Variants in AXDND1 observed in about 807,000 individuals in gnomAD.
The protein encoded by AXDND1 is axonemal dynein light chain domain containing 1, also known as axonemal dynein light chain domain-containing protein 1.
AXDND1 carries 110 observed loss-of-function variants against 137.5 expected under a neutral mutation model. The observed-to-expected ratio is 0.80, with a 90% CI of 0.69 to 0.94. The LOEUF (loss-of-function observed/expected upper bound fraction) is 0.94, where lower values mean the gene tolerates loss of function less well. AXDND1 is among the 40% of genes least tolerant of loss of function. AXDND1 has a pLI of 0.00. For synonymous variants in AXDND1, 414 were observed against 399.7 expected (o/e 1.04, Z -0.43); for missense variants, 1,191 against 1,169.8 (o/e 1.02, Z -0.26).
Position 179,509,368 on chromosome 1 carries a change from T to C in AXDND1, c.2461T>C (p.Leu821=), listed in dbSNP as rs1668810827. The part of the protein sequence containing the change: ...SNIKGRKITL[L]TYEEIERLLE... ...TATCAAAGGCAGAAAAATTACATTATTGACATATGAAGAAATAGAGCGGCT... is the reference window on the plus strand; with the variant it reads ...TATCAAAGGCAGAAAAATTACATTACTGACATATGAAGAAATAGAGCGGCT... The change falls in exon 21 of 26, where the codon TTG becomes CTG. Residue 821 remains leucine (L), a synonymous_variant. Coordinates refer to ENST00000367618, the MANE Select transcript of AXDND1 (RefSeq NM_144696.6). 2 of 1,612,232 alleles carry C rather than the reference T, an allele frequency of 1.2e-6. No homozygotes were observed. The highest frequency in any genetic ancestry group is 1.1e-5 in the South Asian group (1 of 91,016).
chr1:179,416,402 T>C (rs1654717745), intron 12 of AXDND1, among the ~76,000 whole-genome samples: 2 of 152,232 alleles, frequency 1.3e-5, no homozygotes, highest in African/African-American at 4.8e-5. Context: ...TTTGATATAC[T>C]GATTTTCTTT....
At chr1:179,468,863 A>G in intron 17 of AXDND1, 1 of 333,772 alleles carries the variant, frequency 3.0e-6, no homozygotes, top group Non-Finnish European at 5.4e-6. Context: ...ATCCTCTCCT[A>G]CCGTCCTACC....
intron 11 of AXDND1, among the ~76,000 whole-genome samples, chr1:179,403,585 AT>A (rs1254810515): frequency 1.3e-5 from 2 of 152,064 alleles, no homozygotes; most frequent in Non-Finnish European, 2.9e-5. Flanking sequence ...ATGGTACTTT[AT>A]TTTTTGAGAC....
intron 15 of AXDND1, among the ~76,000 whole-genome samples, chr1:179,433,613 C>T (rs1657706584): frequency 6.6e-6 from 1 of 152,160 alleles, no homozygotes; most frequent in African/African-American, 2.4e-5. Flanking sequence ...GCCTTAATTT[C>T]ATTATTACCC....
Position 179,414,575 on chromosome 1 carries a change from G to A in AXDND1, c.1230+3309G>A, listed in dbSNP as rs1654405792. 2.0e-5 allele frequency among the ~76,000 whole-genome samples: 3 copies of A among 152,112 alleles called. No homozygotes were observed. In the South Asian group the frequency reaches 6.2e-4, roughly 32 times the overall value. ...TGTGTAGCTGGGACTACAGGCGCCC[G>A]CCACCTCGCCTGGCTAATTTTTTGT... On this transcript the variant is annotated intron_variant, in intron 12 of 25. Coordinates refer to ENST00000367618, the MANE Select transcript of AXDND1 (RefSeq NM_144696.6).
At chr1:179,403,402 G>C (rs1652410543) in intron 11 of AXDND1, among the ~76,000 whole-genome samples, 1 of 152,112 alleles carries the variant, frequency 6.6e-6, no homozygotes, top group African/African-American at 2.4e-5. Context: ...CTTCTTGGTT[G>C]TACTTTCAGC....
intron 16 of AXDND1, chr1:179,454,557 A>T (rs1279193751): frequency 6.6e-6 from 1 of 152,302 alleles, no homozygotes; most frequent in Non-Finnish European, 1.5e-5. Flanking sequence ...TAAGAGATTT[A>T]AAAAATGTAG....
intron 23 of AXDND1, among the ~76,000 whole-genome samples, chr1:179,529,393 G>A (rs1039814287): frequency 7.9e-5 from 12 of 152,200 alleles, no homozygotes; most frequent in African/African-American, 2.9e-4. Context: ...AAAAATCACT[G>A]ATGTGAGGCA....
intron 25 of AXDND1, among the ~76,000 whole-genome samples, chr1:179,535,568 G>A (rs1331207851): frequency 6.6e-6 from 1 of 152,068 alleles, no homozygotes; most frequent in Admixed American, 6.5e-5. Context: ...CTTTTTTATG[G>A]CTGCATAGTA....
chr1:179,520,711 T>C (rs944575626), intron 21 of AXDND1, among the ~76,000 whole-genome samples: 3 of 151,832 alleles, frequency 2.0e-5, no homozygotes, highest in African/African-American at 7.2e-5. Flanking sequence ...ATATGGAATA[T>C]AGGATGTCTA....
intron 18 of AXDND1, among the ~76,000 whole-genome samples, chr1:179,490,490 A>G (rs1431621229): frequency 6.6e-6 from 1 of 152,246 alleles, no homozygotes; most frequent in Non-Finnish European, 1.5e-5. Context: ...CACACTCCTA[A>G]GCCAAAAGAA....
chr1:179,456,357 G>A lies in AXDND1; in HGVS notation c.1798+11153G>A, dbSNP rs754015693. 112 of 774,702 alleles carry A rather than the reference G, an allele frequency of 1.4e-4. 2 individuals carry two copies. The highest frequency in any genetic ancestry group is 2.3e-4 in the Non-Finnish European group (101 of 431,596). 48.0% of individuals were successfully genotyped at this position (774,702 alleles called of 1,614,324 possible). The stretch of plus-strand genomic sequence containing the variant: ...TCTGCCTCCAAAGTTTCCTCCCTTC[G>A]TGGGTCCAAAATTTGAAGACTGATT... On this transcript the variant is annotated intron_variant, in intron 16 of 25. Transcript: ENST00000367618.
chr1:179,487,396 G>A (rs11809606), intron 18 of AXDND1, among the ~76,000 whole-genome samples: 73,603 of 147,390 alleles, frequency 0.5, 21,634 homozygotes, highest in East Asian at 0.76. Context: ...AAATTACTCA[G>A]TTGACATGTT....
At chr1:179,403,989 T>G (rs1161081531) in intron 11 of AXDND1, among the ~76,000 whole-genome samples, 1 of 152,232 alleles carries the variant, frequency 6.6e-6, no homozygotes, top group Admixed American at 6.5e-5. Context: ...CAACTATGAT[T>G]TAATACTGTA....
At chr1:179,541,850 G>T (rs1292278986) in intron 25 of AXDND1, among the ~76,000 whole-genome samples, 1 of 152,068 alleles carries the variant, frequency 6.6e-6, no homozygotes, top group Non-Finnish European at 1.5e-5. Context: ...AATCATGAAA[G>T]ATTAAATAAA....
At chr1:179,541,279 T>C (rs1270444555) in intron 25 of AXDND1, among the ~76,000 whole-genome samples, 1 of 152,174 alleles carries the variant, frequency 6.6e-6, no homozygotes, top group Admixed American at 6.5e-5. Context: ...TGACTCCTTG[T>C]ACTTCCTGGA....
At chr1:179,447,708 C>T in intron 16 of AXDND1, 1 of 1,345,694 alleles carries the variant, frequency 7.4e-7, no homozygotes, top group South Asian at 1.2e-5. Context: ...ACTTTGTAGG[C>T]ATGACTTTAC....
At chr1:179,510,763 A>G (rs1355474172) in intron 21 of AXDND1, among the ~76,000 whole-genome samples, 4 of 152,086 alleles carry the variant, frequency 2.6e-5, no homozygotes, top group Non-Finnish European at 4.4e-5. Context: ...TTATTTTTCC[A>G]TAGGTTACTG....
chr1:179,523,955 T>C (rs1275606153), intron 21 of AXDND1, among the ~76,000 whole-genome samples: 1 of 152,162 alleles, frequency 6.6e-6, no homozygotes, highest in Non-Finnish European at 1.5e-5. Context: ...AGTGAGAACG[T>C]ACAATATTTG....
Sources: gnomAD v4.1 joint callset for allele counts (sites outside exome capture counted in the v4.1 genomes callset) on GRCh38, gnomAD v4.1.1 for gene constraint, MANE v1.5 for transcripts, NCBI Gene and HGNC (gene_info 2026-07-23, HGNC 2026-07-21) for gene names.